The following MAGI2 variants were observed in gnomAD, a reference collection of about 807,000 sequenced individuals.
MAGI2 encodes the protein membrane-associated guanylate kinase, WW and PDZ domain-containing protein 2.
In MAGI2, 35 loss-of-function variants were observed where a neutral mutation model predicts 133.3. That is an observed-to-expected ratio of 0.26 (90% CI 0.20 to 0.35). MAGI2 has a LOEUF of 0.35. Among genes scored for constraint, MAGI2 ranks in the 10% least tolerant of loss-of-function variants. The probability of loss-of-function intolerance (pLI) is 1.00; values close to 1 mark genes in which losing one functional copy is unlikely to be tolerated. For missense variants in MAGI2, 1,636 were observed against 1,863.4 expected, an observed-to-expected ratio of 0.88 and a Z score of 2.25; for synonymous variants, 729 against 710.6, an observed-to-expected ratio of 1.03 and a Z score of -0.41.
chr7:79,185,235 C>T (rs1404170157), intron 1 of MAGI2, among the ~76,000 whole-genome samples: 2 of 151,830 alleles, frequency 1.3e-5, no homozygotes, highest in Non-Finnish European at 2.9e-5. Flanking sequence ...ATCCAAACTC[C>T]ATTGGTATCT....
intron 2 of MAGI2, among the ~76,000 whole-genome samples, chr7:78,869,923 G>T (rs989374455): frequency 2.6e-5 from 4 of 151,956 alleles, no homozygotes; most frequent in Non-Finnish European, 5.9e-5. Flanking sequence ...TTTATTTCTG[G>T]GCTCTCTATT....
intron 1 of MAGI2, among the ~76,000 whole-genome samples, chr7:79,031,999 C>T (rs149835937): frequency 6.6e-5 from 10 of 152,200 alleles, no homozygotes; most frequent in Non-Finnish European, 1.2e-4. Flanking sequence ...TATTATATTA[C>T]AAGATTGTAC....
intron 2 of MAGI2, among the ~76,000 whole-genome samples, chr7:78,895,148 C>T (rs980923485): frequency 2.0e-5 from 3 of 152,014 alleles, no homozygotes; most frequent in African/African-American, 7.2e-5. Flanking sequence ...ATCACAGGAA[C>T]AGGTTAGTTA....
At chr7:78,380,838 C>T (rs1794857833) in intron 6 of MAGI2, among the ~76,000 whole-genome samples, 2 of 152,144 alleles carry the variant, frequency 1.3e-5, no homozygotes, top group Non-Finnish European at 2.9e-5. Flanking sequence ...TAAAATATCT[C>T]ATGTATCCCA....
intron 20 of MAGI2, among the ~76,000 whole-genome samples, chr7:78,094,248 A>C (rs1014417897): frequency 6.6e-6 from 1 of 152,158 alleles, no homozygotes; most frequent in East Asian, 1.9e-4. Context: ...TCCTCTGTCC[A>C]TGTATTTTAA....
intron 2 of MAGI2, among the ~76,000 whole-genome samples, chr7:78,668,549 C>G (rs1415406542): frequency 2.6e-5 from 4 of 151,344 alleles, no homozygotes; most frequent in Admixed American, 1.3e-4. Context: ...AGTCTTTAAT[C>G]CATCTTGAAT....
At chr7:78,786,982 T>C (rs908465092) in intron 2 of MAGI2, among the ~76,000 whole-genome samples, 5 of 151,684 alleles carry the variant, frequency 3.3e-5, no homozygotes, top group African/African-American at 9.7e-5. Flanking sequence ...ACAGAGTCTC[T>C]CTCTATTGCC....
intron 1 of MAGI2, among the ~76,000 whole-genome samples, chr7:79,403,165 A>T (rs553538740): frequency 6.6e-4 from 100 of 152,318 alleles, no homozygotes; most frequent in Non-Finnish European, 1.2e-3. Flanking sequence ...AAATTAGAGG[A>T]AATCTTAAAT....
At chr7:78,978,541 A>C (rs534196625) in intron 2 of MAGI2, among the ~76,000 whole-genome samples, 1 of 151,996 alleles carries the variant, frequency 6.6e-6, no homozygotes, top group Non-Finnish European at 1.5e-5. Context: ...TTAGGGCAGC[A>C]AAACTATTTT....
At chr7:79,018,088 C>A (rs1037948535) in intron 1 of MAGI2, among the ~76,000 whole-genome samples, 1 of 151,762 alleles carries the variant, frequency 6.6e-6, no homozygotes, top group Admixed American at 6.6e-5. Context: ...TTAGAGAACC[C>A]CTCCAAAATA....
At chr7:79,425,204 A>T (rs1847253429) in intron 1 of MAGI2, among the ~76,000 whole-genome samples, 1 of 151,164 alleles carries the variant, frequency 6.6e-6, no homozygotes, top group African/African-American at 2.4e-5. Context: ...GTGAGCCGAG[A>T]TTGCACCAAT....
At chr7:79,081,632 T>A (rs184884541) in intron 1 of MAGI2, among the ~76,000 whole-genome samples, 22 of 152,276 alleles carry the variant, frequency 1.4e-4, no homozygotes, top group South Asian at 4.1e-4. Context: ...GGATATGAAC[T>A]GTTAAGAAAA....
At position 78,078,921 on chromosome 7, in the gene MAGI2, A is replaced by C. The variant is rs774247492; in HGVS notation, c.3706+26T>G. ...TATGGTTCACAGAAGGAAGAGCAAA[A>C]GGGTGAATTAAAACGTGAAACGTAC... On this transcript the variant is annotated intron_variant, in intron 21 of 21. Coordinates refer to ENST00000354212, the MANE Select transcript of MAGI2 (RefSeq NM_012301.4). 9 of 1,612,452 alleles carry C rather than the reference A, an allele frequency of 5.6e-6. No homozygotes were observed. In the South Asian group the frequency reaches 8.8e-5, roughly 16 times the overall value.
chr7:78,173,199 T>A (rs1021006635), intron 14 of MAGI2, among the ~76,000 whole-genome samples: 67 of 152,202 alleles, frequency 4.4e-4, no homozygotes, highest in Admixed American at 2.4e-3. Flanking sequence ...ACCTGGGAAC[T>A]TGTGTACAAA....
chr7:78,252,131 C>T (rs2150939571), intron 10 of MAGI2: 1 of 116,778 alleles, frequency 8.6e-6, no homozygotes, highest in South Asian at 3.3e-4. Context: ...GAGTGAGACC[C>T]TGTCTATTAA....
At chr7:78,915,188 G>A (rs1192249741) in intron 2 of MAGI2, among the ~76,000 whole-genome samples, 3 of 152,056 alleles carry the variant, frequency 2.0e-5, no homozygotes, top group Non-Finnish European at 2.9e-5. Context: ...GAAAGCAGAG[G>A]GCCCACGGTG....
At chr7:79,039,081 A>G (rs6954088) in intron 1 of MAGI2, among the ~76,000 whole-genome samples, 74,957 of 151,958 alleles carry the variant, frequency 0.49, 21,221 homozygotes, top group African/African-American at 0.79. Context: ...TGTTGGTGGA[A>G]GAACCATGTG....
chr7:79,172,422 T>C (rs1362102507), intron 1 of MAGI2, among the ~76,000 whole-genome samples: 1 of 152,000 alleles, frequency 6.6e-6, no homozygotes, highest in African/African-American at 2.4e-5. Context: ...GACAAAAGAT[T>C]AGGTTATTGG....
intron 6 of MAGI2, among the ~76,000 whole-genome samples, chr7:78,449,610 T>C (rs1221866556): frequency 6.6e-6 from 1 of 152,148 alleles, no homozygotes; most frequent in Admixed American, 6.6e-5. Flanking sequence ...ACTGATTTTG[T>C]ATAGAATAAG....
Sources: allele counts gnomAD v4.1 joint callset (sites outside exome capture counted in the v4.1 genomes callset), GRCh38; gene constraint gnomAD v4.1.1; transcripts MANE v1.5; gene names NCBI Gene and HGNC (gene_info 2026-07-23, HGNC 2026-07-21).